RCSD1: variants seen among roughly 807,000 people sequenced by gnomAD.
RCSD1 encodes capZ-interacting protein.
A neutral mutation model predicts 42.5 loss-of-function variants in RCSD1; 26 were observed. That is an observed-to-expected ratio of 0.61 (90% CI 0.45 to 0.85). The LOEUF (loss-of-function observed/expected upper bound fraction) is 0.85. Ranked by LOEUF, RCSD1 falls within the 40% of genes least tolerant of loss-of-function variation. RCSD1 has a pLI of 0.00. For missense variants in RCSD1, 571 were observed against 528.3 expected (o/e 1.08, Z -0.79); for synonymous variants, 220 against 212.2 (o/e 1.04, Z -0.32).
At chr1:167,633,227 C>T (rs1366906448) in intron 1 of RCSD1, among the ~76,000 whole-genome samples, 1 of 152,184 alleles carries the variant, frequency 6.6e-6, no homozygotes, top group African/African-American at 2.4e-5. Context: ...TGATCCCTGC[C>T]TTTTAAAAGC....
intron 1 of RCSD1, among the ~76,000 whole-genome samples, chr1:167,639,332 G>T (rs1364900797): frequency 6.6e-6 from 1 of 152,190 alleles, no homozygotes; most frequent in East Asian, 1.9e-4. Flanking sequence ...CATATATAAT[G>T]ACTTTATTGA....
At chr1:167,699,527 C>G (rs1161573476) in intron 6 of RCSD1, among the ~76,000 whole-genome samples, 2 of 152,196 alleles carry the variant, frequency 1.3e-5, no homozygotes, top group Non-Finnish European at 2.9e-5. Flanking sequence ...CGGCCTTTCA[C>G]TGTTACTGTG....
chr1:167,633,161 C>T (rs574562493), intron 1 of RCSD1, among the ~76,000 whole-genome samples: 1 of 152,324 alleles, frequency 6.6e-6, no homozygotes, highest in Non-Finnish European at 1.5e-5. Context: ...TTATCAACAA[C>T]ATCAATCTTC....
At chr1:167,648,712 G>A (rs150952085) in intron 1 of RCSD1, among the ~76,000 whole-genome samples, 3 of 152,298 alleles carry the variant, frequency 2.0e-5, no homozygotes, top group Admixed American at 2.0e-4. Flanking sequence ...GGGCAACAGT[G>A]AGCCCGGGGA....
chr1:167,647,198 A>G (rs1318203092), intron 1 of RCSD1, among the ~76,000 whole-genome samples: 1 of 152,020 alleles, frequency 6.6e-6, no homozygotes, highest in Non-Finnish European at 1.5e-5. Flanking sequence ...CATGTCTTTA[A>G]GTGCTTTTAG....
At chr1:167,649,811 G>A (rs1271192453) in intron 1 of RCSD1, among the ~76,000 whole-genome samples, 1 of 152,210 alleles carries the variant, frequency 6.6e-6, no homozygotes, top group Non-Finnish European at 1.5e-5. Context: ...CAAGGGACCT[G>A]TGTGTTAATG....
intron 1 of RCSD1, among the ~76,000 whole-genome samples, chr1:167,676,933 G>A (rs903719726): frequency 3.9e-5 from 6 of 152,214 alleles, no homozygotes; most frequent in African/African-American, 1.4e-4. Flanking sequence ...ACACTCCCAG[G>A]CTCAATGCCT....
intron 4 of RCSD1, among the ~76,000 whole-genome samples, chr1:167,692,558 G>A (rs925831068): frequency 2.0e-5 from 3 of 150,278 alleles, no homozygotes; most frequent in African/African-American, 7.4e-5. Flanking sequence ...TTGCTTTGTT[G>A]CCCTGGATGG....
At chr1:167,693,649 T>G (rs1006495256) in intron 4 of RCSD1, among the ~76,000 whole-genome samples, 3 of 152,162 alleles carry the variant, frequency 2.0e-5, no homozygotes, top group Non-Finnish European at 4.4e-5. Flanking sequence ...GCTGAACGTG[T>G]GGGGTTGCTG....
chr1:167,678,086 G>A (rs1282203020), intron 1 of RCSD1, among the ~76,000 whole-genome samples: 2 of 152,166 alleles, frequency 1.3e-5, no homozygotes, highest in African/African-American at 4.8e-5. Context: ...AACAGGACCA[G>A]TCCCCTCACA....
chr1:167,692,601 T>A (rs944442947), intron 4 of RCSD1, among the ~76,000 whole-genome samples: 1 of 151,688 alleles, frequency 6.6e-6, no homozygotes, highest in African/African-American at 2.4e-5. Context: ...GCTCAAGCAA[T>A]CCTCCCACCT....
In RCSD1 at chr1:167,693,288, G is replaced by A. The variant is rs185314108; in HGVS notation, c.271-811G>A. Among the ~76,000 whole-genome samples, 576 of 152,244 alleles carry A rather than the reference G, an allele frequency of 3.8e-3. 3 individuals are homozygous for A. The highest frequency in any genetic ancestry group is 0.011 in the African/African-American group (476 of 41,548). On this transcript the variant is annotated intron_variant, in intron 4 of 6. Coordinates refer to ENST00000367854, the MANE Select transcript of RCSD1 (RefSeq NM_052862.4). ...ACCCTAGATGGCCTTAAAGAGGATCGGACTCTCACGCACGTTCTCCCCATG... is the reference window on the plus strand; with the variant it reads ...ACCCTAGATGGCCTTAAAGAGGATCAGACTCTCACGCACGTTCTCCCCATG...
In RCSD1 at chr1:167,659,611, T is replaced by A. The variant is rs189328280; in HGVS notation, c.7-24289T>A. Among the ~76,000 whole-genome samples the A allele has an allele frequency of 7.6e-4, 115 of 152,312 alleles. 1 individual carries two copies. Among genetic ancestry groups the A allele is most frequent in the African/African-American group, 2.7e-3 (113 of 41,558 alleles). ...GAATCCAGCAAAGCATGCTGGGAACTGTGATCACAGGCTCCCCTTGGACCA... is the reference window on the plus strand; with the variant it reads ...GAATCCAGCAAAGCATGCTGGGAACAGTGATCACAGGCTCCCCTTGGACCA... On this transcript the variant is annotated intron_variant, in intron 1 of 6. Transcript: ENST00000367854.
chr1:167,693,322 C>T (rs751481662), intron 4 of RCSD1, among the ~76,000 whole-genome samples: 5 of 152,322 alleles, frequency 3.3e-5, no homozygotes, highest in Non-Finnish European at 2.9e-5. Flanking sequence ...TGGACGCCTT[C>T]GGGCATCTGG....
chr1:167,671,602 T>C (rs1229356), intron 1 of RCSD1, among the ~76,000 whole-genome samples: 77,725 of 152,022 alleles, frequency 0.51, 20,285 homozygotes, highest in East Asian at 0.65. Context: ...AGCATAGTTG[T>C]CAACTTGCTC....
chr1:167,653,842 A>C (rs1372812179), intron 1 of RCSD1, among the ~76,000 whole-genome samples: 1 of 152,208 alleles, frequency 6.6e-6, no homozygotes, highest in Non-Finnish European at 1.5e-5. Flanking sequence ...ATAAGGATCA[A>C]GGCATTTGAG....
Position 167,694,238 on chromosome 1 carries a change from C to T in RCSD1, c.410C>T (p.Ala137Val). The change falls in exon 5 of 7, where the codon GCA (alanine) becomes GTA (valine). Residue 137 changes from alanine (A) to valine (V), a missense_variant. Ala to Val is a moderately conservative substitution (Grantham distance 64, BLOSUM62 0). Coordinates refer to ENST00000367854, the MANE Select transcript of RCSD1 (RefSeq NM_052862.4). ...SPGVRSRPSE[A>V]EEVPVSFDQP... ...GGTGTGCGATCTAGGCCCAGCGAGG[C>T]AGAGGAGGTGCCTGTCAGCTTCGAC... 1 of 1,614,208 alleles carries T rather than the reference C, an allele frequency of 6.2e-7. No homozygotes were observed. The highest frequency in any genetic ancestry group is 8.5e-7 in the Non-Finnish European group (1 of 1,180,040).
At chr1:167,659,666 C>G (rs1377099719) in intron 1 of RCSD1, among the ~76,000 whole-genome samples, 1 of 152,206 alleles carries the variant, frequency 6.6e-6, no homozygotes, top group African/African-American at 2.4e-5. Context: ...GATCTTACAG[C>G]TGATACCAGT....
chr1:167,639,715 A>G (rs1255127270), intron 1 of RCSD1, among the ~76,000 whole-genome samples: 1 of 152,132 alleles, frequency 6.6e-6, no homozygotes, highest in African/African-American at 2.4e-5. Flanking sequence ...GCTGGTCTTG[A>G]ACTCCTGACC....
Sources: allele counts gnomAD v4.1 joint callset (sites outside exome capture counted in the v4.1 genomes callset), GRCh38; gene constraint gnomAD v4.1.1; transcripts MANE v1.5; gene names NCBI Gene and HGNC (gene_info 2026-07-23, HGNC 2026-07-21).